The following SCLT1 variants were observed in gnomAD, a reference collection of about 807,000 sequenced individuals.
SCLT1 encodes the protein sodium channel and clathrin linker 1.
In SCLT1, 78 loss-of-function variants were observed where a neutral mutation model predicts 112.8. The observed-to-expected ratio is 0.69, with a 90% confidence interval of 0.58 to 0.83. The LOEUF (loss-of-function observed/expected upper bound fraction) is 0.83, where lower values mean the gene tolerates loss of function less well. Ranked by LOEUF, SCLT1 falls within the 40% of genes least tolerant of loss-of-function variation. The pLI, the probability that SCLT1 is intolerant of heterozygous loss-of-function variation, is 0.00. For synonymous variants in SCLT1, 257 were observed against 254.7 expected, an observed-to-expected ratio of 1.01 and a Z score of -0.09; for missense variants, 747 against 770.4, an observed-to-expected ratio of 0.97 and a Z score of 0.36.
At chr4:128,909,587 C>T (rs1734938982) in intron 18 of SCLT1, among the ~76,000 whole-genome samples, 1 of 152,200 alleles carries the variant, frequency 6.6e-6, no homozygotes, top group African/African-American at 2.4e-5. Context: ...TGATAATTAA[C>T]ATGCGTATGT....
At chr4:128,935,206 T>C (rs1737088851) in intron 18 of SCLT1, among the ~76,000 whole-genome samples, 1 of 152,108 alleles carries the variant, frequency 6.6e-6, no homozygotes, top group Middle Eastern at 3.4e-3. Context: ...GTGCTCTTTG[T>C]AGATGCTTTG....
chr4:128,967,357 C>T (rs1476497666), intron 10 of SCLT1, among the ~76,000 whole-genome samples: 1 of 152,186 alleles, frequency 6.6e-6, no homozygotes, highest in African/African-American at 2.4e-5. Flanking sequence ...ATTTATACTA[C>T]TTCGTTATAT....
At chr4:128,969,621 C>T (rs1430334304) in intron 10 of SCLT1, among the ~76,000 whole-genome samples, 2 of 151,910 alleles carry the variant, frequency 1.3e-5, no homozygotes, top group Admixed American at 6.6e-5. Context: ...CTTTTCTAGC[C>T]CTAAACTTTG....
chr4:129,023,620 G>C (rs576564979), intron 5 of SCLT1, among the ~76,000 whole-genome samples: 1 of 152,180 alleles, frequency 6.6e-6, no homozygotes, highest in Non-Finnish European at 1.5e-5. Context: ...CGCAGAAAAC[G>C]GGTGATTTCT....
chr4:129,075,493 G>T (rs1478687113), intron 2 of SCLT1, among the ~76,000 whole-genome samples: 1 of 152,032 alleles, frequency 6.6e-6, no homozygotes, highest in African/African-American at 2.4e-5. Flanking sequence ...TTTTACGTGG[G>T]TAACTCATCA....
At chr4:128,891,936 T>A (rs1365855429) in intron 18 of SCLT1, among the ~76,000 whole-genome samples, 1 of 152,156 alleles carries the variant, frequency 6.6e-6, no homozygotes, top group Non-Finnish European at 1.5e-5. Context: ...TGAGCCACTG[T>A]GCCTGGCCTT....
At chr4:129,049,665 A>G (rs1208333833) in intron 2 of SCLT1, among the ~76,000 whole-genome samples, 1 of 150,046 alleles carries the variant, frequency 6.7e-6, no homozygotes, top group Non-Finnish European at 1.5e-5. Context: ...TATTTTTGGC[A>G]TATGGATATA....
At chr4:128,913,041 A>C (rs1426449752) in intron 18 of SCLT1, among the ~76,000 whole-genome samples, 1 of 152,228 alleles carries the variant, frequency 6.6e-6, no homozygotes, top group Non-Finnish European at 1.5e-5. Context: ...GATTTCACTT[A>C]AGTAGGAATT....
intron 5 of SCLT1, among the ~76,000 whole-genome samples, chr4:129,018,227 C>A (rs1199340530): frequency 1.3e-5 from 2 of 152,232 alleles, no homozygotes; most frequent in African/African-American, 4.8e-5. Flanking sequence ...ATTAGCAGAA[C>A]CAAACCCATA....
chr4:128,951,369 A>G (rs765777126), intron 14 of SCLT1, among the ~76,000 whole-genome samples: 10 of 152,152 alleles, frequency 6.6e-5, no homozygotes, highest in Non-Finnish European at 8.8e-5. Context: ...ATATCTTTAG[A>G]AAAATCACTT....
At chr4:129,059,839 G>A (rs752278840) in intron 2 of SCLT1, among the ~76,000 whole-genome samples, 9 of 152,084 alleles carry the variant, frequency 5.9e-5, no homozygotes, top group Admixed American at 3.9e-4. Flanking sequence ...ACCTGTTTGG[G>A]TTAAGTCTCA....
chr4:128,967,941 G>C (rs957125326), intron 10 of SCLT1, among the ~76,000 whole-genome samples: 3 of 152,106 alleles, frequency 2.0e-5, no homozygotes, highest in African/African-American at 7.2e-5. Context: ...ATGTCCAGAA[G>C]TGTTTCCACA....
At chr4:129,063,070 T>C (rs1318729059) in intron 2 of SCLT1, among the ~76,000 whole-genome samples, 1 of 152,254 alleles carries the variant, frequency 6.6e-6, no homozygotes, top group East Asian at 1.9e-4. Context: ...TTAATTACTT[T>C]TCAATCTTCT....
intron 16 of SCLT1, 96 bp downstream of exon 16, chr4:128,945,911 G>GTT (rs1448331650): frequency 1.4e-6 from 1 of 718,242 alleles, no homozygotes; most frequent in Non-Finnish European, 2.3e-6. Flanking sequence ...AAGATATATT[G>GTT]TAAGTCCTAC....
chr4:128,896,292 C>A (rs1002234263), intron 18 of SCLT1, among the ~76,000 whole-genome samples: 3 of 151,672 alleles, frequency 2.0e-5, no homozygotes, highest in African/African-American at 7.2e-5. Flanking sequence ...CCCCCCAGTA[C>A]CGGGTACTGG....
intron 15 of SCLT1, 125 bp from the exon 16 acceptor site, chr4:128,946,277 A>G: frequency 2.1e-6 from 1 of 485,632 alleles, no homozygotes; most frequent in Non-Finnish European, 3.5e-6. Context: ...TCTGACCGTA[A>G]CATATGAAAC....
At position 128,884,073 on chromosome 4, in the gene SCLT1, T is replaced by C. The variant is rs1286986684; in HGVS notation, c.*404A>G. ...AGGAACTTTAAAAATGAGTTAGAAG[T>C]AACAATTAGATGTAAAATTCTCAAA... On this transcript the variant is annotated 3_prime_UTR_variant, in exon 21 of 21. Transcript: ENST00000281142. The C allele has an allele frequency of 6.4e-6, 1 of 155,616 alleles. No individual in the cohort carries two copies. The highest frequency in any genetic ancestry group is 1.4e-5 in the Non-Finnish European group (1 of 70,538). The allele number at this position is 155,616 out of a possible 1,614,324, so 9.6% of individuals were successfully genotyped here. A position where few individuals can be genotyped will look rare whatever the true frequency, so the allele number is the denominator to read the frequency against.
At chr4:128,882,060 T>C (rs1013681257), downstream of SCLT1, among the ~76,000 whole-genome samples, 1 of 152,182 alleles carries the variant, frequency 6.6e-6, no homozygotes, top group Non-Finnish European at 1.5e-5. Context: ...AAAATGTGTC[T>C]GGAAAGTTAG....
chr4:128,919,089 T>A (rs1199096007), intron 18 of SCLT1, among the ~76,000 whole-genome samples: 1 of 152,108 alleles, frequency 6.6e-6, no homozygotes, highest in Non-Finnish European at 1.5e-5. Context: ...TAACAGATAT[T>A]TATAGACCTC....
Sources: gnomAD v4.1 joint callset for allele counts (sites outside exome capture counted in the v4.1 genomes callset) on GRCh38, gnomAD v4.1.1 for gene constraint, MANE v1.5 for transcripts, NCBI Gene and HGNC (gene_info 2026-07-23, HGNC 2026-07-21) for gene names.